CTNND1: variants seen among roughly 807,000 people sequenced by gnomAD.
CTNND1 encodes the protein catenin delta 1.
Under a neutral mutation model 112.1 loss-of-function variants are expected in CTNND1, and 16 were observed. The observed-to-expected ratio is 0.14, with a 90% CI of 0.10 to 0.22. CTNND1 has a LOEUF of 0.22. CTNND1 is among the 10% of genes least tolerant of loss of function. The pLI, the probability that CTNND1 is intolerant of heterozygous loss-of-function variation, is 1.00. For synonymous variants in CTNND1, 420 were observed against 446.5 expected (o/e 0.94, Z 0.75); for missense variants, 1,008 against 1,257.0 (o/e 0.80, Z 3.00).
chr11:57,800,330 C>T (rs2061869350), intron 6 of CTNND1, among the ~76,000 whole-genome samples: 2 of 151,376 alleles, frequency 1.3e-5, no homozygotes, highest in Admixed American at 6.6e-5. Flanking sequence ...TGCAGTGGCA[C>T]AATCTCAGTT....
intron 1 of CTNND1, among the ~76,000 whole-genome samples, chr11:57,781,408 A>G (rs2059565739): frequency 6.6e-6 from 1 of 152,170 alleles, no homozygotes; most frequent in Non-Finnish European, 1.5e-5. Context: ...ATGAGACCTA[A>G]TCAATACCTT....
intron 1 of CTNND1, among the ~76,000 whole-genome samples, chr11:57,779,434 G>A (rs1183141270): frequency 1.3e-5 from 2 of 152,142 alleles, no homozygotes; most frequent in African/African-American, 2.4e-5. Context: ...CTGTGAAACA[G>A]GCATCTTTTC....
intron 15 of CTNND1, among the ~76,000 whole-genome samples, 189 bp downstream of exon 15, chr11:57,809,655 C>T (rs748918020): frequency 2.0e-5 from 3 of 152,156 alleles, no homozygotes; most frequent in Admixed American, 6.6e-5. Flanking sequence ...TTTCTTGTGT[C>T]GCTATTTGGG....
intron 6 of CTNND1, among the ~76,000 whole-genome samples, chr11:57,799,284 T>C (rs2061720000): frequency 6.6e-6 from 1 of 152,196 alleles, no homozygotes; most frequent in African/African-American, 2.4e-5. Flanking sequence ...GGGTGTTGGC[T>C]CTACTGCAAG....
intron 6 of CTNND1, 79 bp downstream of exon 6, chr11:57,797,071 G>A: frequency 7.8e-7 from 1 of 1,280,352 alleles, no homozygotes; most frequent in Non-Finnish European, 1.0e-6. Flanking sequence ...ACTTCTAGGG[G>A]CTTTTTGGGA....
intron 1 of CTNND1, among the ~76,000 whole-genome samples, chr11:57,783,012 A>G (rs1393596576): frequency 6.6e-6 from 1 of 152,220 alleles, no homozygotes; most frequent in Non-Finnish European, 1.5e-5. Context: ...ATGGTTGGGC[A>G]TGGTGGCTCA....
chr11:57,800,533 G>T (rs548978405), intron 6 of CTNND1, among the ~76,000 whole-genome samples: 6 of 152,278 alleles, frequency 3.9e-5, no homozygotes, highest in African/African-American at 1.4e-4. Context: ...CTCCCAAAGT[G>T]CTGGGATTAC....
chr11:57,805,743 A>C (rs2062592419), intron 9 of CTNND1, 139 bp from the exon 10 acceptor site: 2 of 961,050 alleles, frequency 2.1e-6, no homozygotes, highest in African/African-American at 3.3e-5. Flanking sequence ...TGGAGCACTT[A>C]AGAGGCATCC....
rs1219030515 is a variant in CTNND1 at position 57,788,306 on chromosome 11, G to A, written c.-213-731G>A. 6.6e-6 allele frequency among the ~76,000 whole-genome samples: 1 copy of A among 152,186 alleles called. No homozygotes were observed. Among genetic ancestry groups the A allele is most frequent in the Non-Finnish European group, 1.5e-5 (1 of 68,050 alleles). On this transcript the variant is annotated intron_variant, in intron 1 of 20. Coordinates refer to ENST00000399050, the MANE Select transcript of CTNND1 (RefSeq NM_001085458.2). The surrounding 1 kb of genome is among the most constrained non-coding windows in gnomAD (Gnocchi z 4.1). ...GTGGGAATATGAGAAAGTGGCAATG[G>A]GTTTTGGACTGAAAGGAAGAAGAGT...
chr11:57,793,160 C>T (rs2060957722), intron 3 of CTNND1: 1 of 152,152 alleles, frequency 6.6e-6, no homozygotes, highest in South Asian at 2.1e-4. Context: ...CTCCCTGCAG[C>T]ATTACACTCT....
chr11:57,789,003 C>T (rs1011997713), intron 1 of CTNND1, 34 bp from the exon 2 acceptor site: 7 of 1,429,828 alleles, frequency 4.9e-6, no homozygotes, highest in Non-Finnish European at 6.7e-6. Context: ...TTATTTTCCT[C>T]TCATTCCCAT....
intron 4 of CTNND1, among the ~76,000 whole-genome samples, chr11:57,795,258 T>C (rs1004411753): frequency 7.2e-5 from 11 of 152,230 alleles, no homozygotes; most frequent in Admixed American, 6.5e-5. Flanking sequence ...CACTCAGATA[T>C]AGATGAAACT....
chr11:57,780,999 C>A (rs576469881), intron 1 of CTNND1, among the ~76,000 whole-genome samples: 1 of 152,144 alleles, frequency 6.6e-6, no homozygotes, highest in African/African-American at 2.4e-5. Context: ...AGTGCAATGG[C>A]GCAATCTCTG....
rs533094304 is a variant in CTNND1, at chr11:57,815,998, C to T, written c.2892C>T (p.Ser964=). 22 of 1,579,080 alleles carry T rather than the reference C, an allele frequency of 1.4e-5. No homozygotes were observed. In the South Asian group the frequency reaches 2.3e-4, roughly 16 times the overall value. The change falls in exon 20 of 21, where the codon TCC becomes TCT. Residue 964 remains serine, a synonymous_variant. Transcript: ENST00000399050. ...AGGGGGGCCAAGTGTCTTACCCCTC[C>T]ATGGTATGTCCTTCAGTCACCCCCA... ...DDEGGQVSYP[S]MQKI
intron 8 of CTNND1, 75 bp downstream of exon 8, chr11:57,803,879 ATT>A: frequency 3.2e-5 from 38 of 1,171,080 alleles, no homozygotes; most frequent in Non-Finnish European, 4.0e-5. Context: ...AAAAAAAAAA[ATT>A]AAAATTCTTT....
intron 8 of CTNND1, 86 bp from the exon 9 acceptor site, chr11:57,804,577 T>C: frequency 2.0e-6 from 2 of 983,324 alleles, no homozygotes; most frequent in South Asian, 1.5e-5. Flanking sequence ...TAGAAAAACA[T>C]ATTCAGGAAT....
chr11:57,778,301 T>A (rs1000696257), intron 1 of CTNND1, among the ~76,000 whole-genome samples: 1 of 152,126 alleles, frequency 6.6e-6, no homozygotes, highest in Non-Finnish European at 1.5e-5. Flanking sequence ...AGGTGGATGA[T>A]AGGGAAGGTG....
At chr11:57,773,825 C>T (rs990041648) in intron 1 of CTNND1, among the ~76,000 whole-genome samples, 3 of 151,748 alleles carry the variant, frequency 2.0e-5, no homozygotes, top group South Asian at 2.1e-4. Flanking sequence ...ACTTGTAGTT[C>T]CATATACTCA....
chr11:57,798,878 A>G (rs992045059), intron 6 of CTNND1, among the ~76,000 whole-genome samples: 5 of 152,332 alleles, frequency 3.3e-5, no homozygotes, highest in South Asian at 4.1e-4. Flanking sequence ...GGTTTGGCCC[A>G]TGGGCTGCCA....
Sources: gnomAD v4.1 joint callset for allele counts (sites outside exome capture counted in the v4.1 genomes callset) on GRCh38, gnomAD v4.1.1 for gene constraint, Gnocchi (gnomAD v3.1) non-coding constraint, MANE v1.5 for transcripts, NCBI Gene and HGNC (gene_info 2026-07-23, HGNC 2026-07-21) for gene names.